The following NEXN variants were observed in gnomAD, a reference collection of about 807,000 sequenced individuals.
NEXN encodes nexilin.
Under a neutral mutation model 92.6 loss-of-function variants are expected in NEXN, and 65 were observed. That is an observed-to-expected ratio of 0.70 (90% CI 0.57 to 0.86). The LOEUF (loss-of-function observed/expected upper bound fraction) is 0.86. Among genes scored for constraint, NEXN ranks in the 40% least tolerant of loss-of-function variants. The pLI is 0.00. For synonymous variants in NEXN, 254 were observed against 242.5 expected, an observed-to-expected ratio of 1.05 and a Z score of -0.44; for missense variants, 778 against 771.1, an observed-to-expected ratio of 1.01 and a Z score of -0.11.
chr1:77,899,417 C>T (rs1647507444), intron 1 of NEXN, among the ~76,000 whole-genome samples: 1 of 151,948 alleles, frequency 6.6e-6, no homozygotes, highest in East Asian at 1.9e-4. Context: ...GACAAAAAAC[C>T]AAACACCGCA....
intron 5 of NEXN, among the ~76,000 whole-genome samples, chr1:77,921,367 G>C (rs1298847812): frequency 6.6e-6 from 1 of 152,190 alleles, no homozygotes; most frequent in East Asian, 1.9e-4. Context: ...AGCAATAAAA[G>C]AAAGTTGAGT....
At chr1:77,901,301 C>A (rs1647686757) in intron 1 of NEXN, among the ~76,000 whole-genome samples, 1 of 152,044 alleles carries the variant, frequency 6.6e-6, no homozygotes, top group African/African-American at 2.4e-5. Flanking sequence ...AAGCCAGATA[C>A]CAGAGATTAG....
chr1:77,912,094 A>AC (rs1034269677), intron 1 of NEXN, among the ~76,000 whole-genome samples: 2 of 151,972 alleles, frequency 1.3e-5, no homozygotes, highest in Admixed American at 6.6e-5. Flanking sequence ...AAAAAAAAAA[A>AC]ATCTGAAATC....
chr1:77,917,930 G>A (rs763250856), intron 3 of NEXN, 30 bp from the exon 4 acceptor site: 36 of 1,574,696 alleles, frequency 2.3e-5, no homozygotes, highest in South Asian at 1.1e-5. Flanking sequence ...TTTTGGACAT[G>A]TGCTCACATT....
In NEXN at chr1:77,911,218, C is replaced by T. The variant is rs1412772695; in HGVS notation, c.-52-4837C>T. ...AATCCAAATGCTCCAAAATCTGAAA[C>T]CTTTGGAGTACTGACATGACGTCAC... On this transcript the variant is annotated intron_variant, in intron 1 of 12. Transcript: ENST00000334785. Among the ~76,000 whole-genome samples the T allele has an allele frequency of 2.0e-5, 3 of 152,298 alleles. No homozygotes were observed. The South Asian group carries it at 6.2e-4, about 32-fold the overall frequency.
chr1:77,928,448 G>A (rs1650038994), intron 8 of NEXN, among the ~76,000 whole-genome samples: 1 of 151,718 alleles, frequency 6.6e-6, no homozygotes, highest in Non-Finnish European at 1.5e-5. Flanking sequence ...ATTTGAAAAT[G>A]TTATTACTCG....
chr1:77,890,524 A>C (rs1647082169), intron 1 of NEXN, among the ~76,000 whole-genome samples: 1 of 152,320 alleles, frequency 6.6e-6, no homozygotes, highest in Admixed American at 6.5e-5. Flanking sequence ...ATTTAGCATC[A>C]ACAAAGGAAT....
chr1:77,909,885 GACATC>G (rs1388239957), intron 1 of NEXN, among the ~76,000 whole-genome samples: 1 of 151,964 alleles, frequency 6.6e-6, no homozygotes, highest in Non-Finnish European at 1.5e-5. Context: ...AATAAAAGCG[GACATC>G]ACAAGAAAAG....
Position 77,916,056 on chromosome 1 carries a change from T to A in NEXN, c.-51T>A. The A allele has an allele frequency of 7.5e-7, 1 of 1,331,050 alleles. No homozygotes were observed. 82.5% of individuals were successfully genotyped at this position (1,331,050 alleles called of 1,614,324 possible). ...TTATACAATATAAATTTTTTTCAGG[T>A]GCAAATATATACAGAGCTTCATAAT... On this transcript the variant is annotated splice_region_variant and 5_prime_UTR_variant, in exon 2 of 13. Coordinates refer to ENST00000334785, the MANE Select transcript of NEXN (RefSeq NM_144573.4).
intron 11 of NEXN, 174 bp from the exon 12 acceptor site, chr1:77,941,849 C>CTT (rs1343481508): frequency 1.6e-6 from 1 of 619,482 alleles, no homozygotes; most frequent in African/African-American, 1.8e-5. Context: ...ATAAATGTAT[C>CTT]TATCACTTTT....
intron 1 of NEXN, among the ~76,000 whole-genome samples, chr1:77,903,702 T>C (rs997019095): frequency 6.6e-6 from 1 of 152,136 alleles, no homozygotes; most frequent in African/African-American, 2.4e-5. Context: ...TTAATATATA[T>C]AAGCACGAAA....
chr1:77,934,396 G>C (rs1341545766), intron 10 of NEXN, among the ~76,000 whole-genome samples: 2 of 152,132 alleles, frequency 1.3e-5, no homozygotes, highest in Admixed American at 6.5e-5. Flanking sequence ...CCTCTGACCT[G>C]AGCCTTCCAC....
intron 1 of NEXN, among the ~76,000 whole-genome samples, chr1:77,900,379 C>T (rs771890982): frequency 4.6e-5 from 7 of 152,154 alleles, no homozygotes; most frequent in Non-Finnish European, 7.3e-5. Flanking sequence ...GGTTATAATA[C>T]TGGTATTATA....
chr1:77,915,502 G>A (rs187396947), intron 1 of NEXN, among the ~76,000 whole-genome samples: 3 of 152,274 alleles, frequency 2.0e-5, no homozygotes, highest in African/African-American at 4.8e-5. Flanking sequence ...GGCGGCACAC[G>A]CCTGTAGTCC....
chr1:77,923,793 C>T (rs1649631748), intron 5 of NEXN, among the ~76,000 whole-genome samples: 1 of 151,082 alleles, frequency 6.6e-6, no homozygotes, highest in African/African-American at 2.4e-5. Context: ...TTCTCCTGCA[C>T]CAGCCTCCCG....
At position 77,942,025 on chromosome 1, in the gene NEXN, AGAT is replaced by A. The variant is rs1064796362; in HGVS notation, c.1481_1483del (p.Asp494del). On this transcript the variant is annotated inframe_deletion, in exon 12 of 13. Coordinates refer to ENST00000334785, the MANE Select transcript of NEXN (RefSeq NM_144573.4). ...AATCTTGGCCCACTTTCTTGCAGGAAGATGATGTTGATGTTAGGCCTGCAAGAA... is the reference window on the plus strand; with the variant it reads ...AATCTTGGCCCACTTTCTTGCAGGAAGATGTTGATGTTAGGCCTGCAAGAA... The A allele has an allele frequency of 6.2e-6, 10 of 1,612,446 alleles. No homozygotes were observed. The highest frequency in any genetic ancestry group is 8.5e-6 in the Non-Finnish European group (10 of 1,178,996).
At chr1:77,935,788 A>C (rs540636294) in intron 10 of NEXN, 35 bp from the exon 11 acceptor site, 4 of 1,583,614 alleles carry the variant, frequency 2.5e-6, no homozygotes, top group African/African-American at 1.3e-5. Flanking sequence ...CTCTCTCAAA[A>C]ACAGCAGCAA....
chr1:77,913,180 C>T (rs982473328), intron 1 of NEXN, among the ~76,000 whole-genome samples: 28 of 152,076 alleles, frequency 1.8e-4, no homozygotes, highest in African/African-American at 6.3e-4. Flanking sequence ...TTTGGGAGGC[C>T]GAGGTGGGCG....
In NEXN at chr1:77,917,058, C is replaced by A. The variant is rs868868731; in HGVS notation, c.28-508C>A. On this transcript the variant is annotated intron_variant, in intron 2 of 12. Coordinates refer to ENST00000334785, the MANE Select transcript of NEXN (RefSeq NM_144573.4). ...CACAAATAAGGACTAAAGGACTGGC[C>A]TTTGGTTTTGCTTATATTGGATATA... Among the ~76,000 whole-genome samples, 3 of 152,290 alleles carry A rather than the reference C, an allele frequency of 2.0e-5. No homozygotes were observed. In the South Asian group the frequency reaches 6.2e-4, roughly 32 times the overall value.
Sources: gnomAD v4.1 joint callset for allele counts (sites outside exome capture counted in the v4.1 genomes callset) on GRCh38, gnomAD v4.1.1 for gene constraint, MANE v1.5 for transcripts, NCBI Gene and HGNC (gene_info 2026-07-23, HGNC 2026-07-21) for gene names.